The following MACROD2 variants were observed in gnomAD, a reference collection of about 807,000 sequenced individuals.
MACROD2 encodes ADP-ribose glycohydrolase MACROD2.
A neutral mutation model predicts 70.4 loss-of-function variants in MACROD2; 36 were observed. That is an observed-to-expected ratio of 0.51 (90% CI 0.39 to 0.68). MACROD2 has a LOEUF of 0.68. Among genes scored for constraint, MACROD2 ranks in the 30% least tolerant of loss-of-function variants. MACROD2 has a pLI of 0.00. For synonymous variants in MACROD2, 172 were observed against 178.8 expected (o/e 0.96, Z 0.30); for missense variants, 496 against 538.4 (o/e 0.92, Z 0.78).
intron 5 of MACROD2, among the ~76,000 whole-genome samples, chr20:14,838,869 C>A (rs975040432): frequency 1.1e-4 from 17 of 152,074 alleles, no homozygotes; most frequent in African/African-American, 3.9e-4. Context: ...CCTTCACTCC[C>A]CAGAACTTCA....
chr20:14,438,290 T>C (rs192543021), intron 3 of MACROD2, among the ~76,000 whole-genome samples: 1 of 152,350 alleles, frequency 6.6e-6, no homozygotes, highest in East Asian at 1.9e-4. Context: ...TGTGTATGTA[T>C]ACCACAGTTT....
rs138059746 is a variant in MACROD2, at chr20:14,344,289, C to T, written c.272-149190C>T. Among the ~76,000 whole-genome samples the T allele has an allele frequency of 4.3e-3, 657 of 152,178 alleles. 6 individuals are homozygous for T. Among genetic ancestry groups the T allele is most frequent in the African/African-American group, 0.014 (588 of 41,520 alleles). On this transcript the variant is annotated intron_variant, in intron 3 of 17. Transcript: ENST00000684519. ...ATGAACTGATTATTTGCCAGATTTT[C>T]GGGGATCAAGTATCAGTTGATTAGA...
intron 8 of MACROD2, among the ~76,000 whole-genome samples, chr20:15,772,959 A>G (rs1043304744): frequency 1.3e-5 from 2 of 152,108 alleles, no homozygotes; most frequent in Non-Finnish European, 2.9e-5. Flanking sequence ...CCTCCCTCTT[A>G]ACACGTGGTA....
intron 3 of MACROD2, among the ~76,000 whole-genome samples, chr20:14,337,931 A>G (rs1038172588): frequency 2.0e-5 from 3 of 152,230 alleles, no homozygotes; most frequent in Non-Finnish European, 2.9e-5. Context: ...TAAGATCACA[A>G]TAGAAAAAGA....
chr20:14,366,391 C>T (rs550258562), intron 3 of MACROD2, among the ~76,000 whole-genome samples: 3 of 131,400 alleles, frequency 2.3e-5, no homozygotes, highest in Admixed American at 8.3e-5. Context: ...TTTTTTGAGA[C>T]TGAGTCTCAC....
chr20:15,723,726 G>C (rs926947824), intron 8 of MACROD2, among the ~76,000 whole-genome samples: 4 of 152,136 alleles, frequency 2.6e-5, no homozygotes, highest in African/African-American at 9.7e-5. Context: ...AGTTTTGGCA[G>C]TTATGAATAA....
intron 5 of MACROD2, among the ~76,000 whole-genome samples, chr20:14,731,926 G>A (rs1169357113): frequency 6.6e-6 from 1 of 151,834 alleles, no homozygotes; most frequent in Non-Finnish European, 1.5e-5. Context: ...TTGAAAACAT[G>A]GTTATTTTTA....
At chr20:14,040,559 C>T (rs2053377462) in intron 2 of MACROD2, among the ~76,000 whole-genome samples, 1 of 152,168 alleles carries the variant, frequency 6.6e-6, no homozygotes, top group Non-Finnish European at 1.5e-5. Flanking sequence ...CCCTCACCCC[C>T]ATCCCACCCA....
At chr20:15,516,890 C>T (rs945996329) in intron 8 of MACROD2, among the ~76,000 whole-genome samples, 29 of 152,254 alleles carry the variant, frequency 1.9e-4, no homozygotes, top group African/African-American at 7.0e-4. Context: ...TTTCCTATCA[C>T]ATAACAGTTG....
At chr20:14,999,376 A>T (rs948854842) in intron 5 of MACROD2, among the ~76,000 whole-genome samples, 1 of 152,258 alleles carries the variant, frequency 6.6e-6, no homozygotes, top group Non-Finnish European at 1.5e-5. Flanking sequence ...GTGAACATAT[A>T]GGCCAGGTGC....
At chr20:14,800,376 T>G (rs1223087181) in intron 5 of MACROD2, among the ~76,000 whole-genome samples, 2 of 152,132 alleles carry the variant, frequency 1.3e-5, no homozygotes, top group East Asian at 3.8e-4. Flanking sequence ...GAAATTCTTA[T>G]TCATTAAAAC....
chr20:14,862,644 T>TATACATAA (rs1568841498), intron 5 of MACROD2, among the ~76,000 whole-genome samples: 1 of 9,970 alleles, frequency 1.0e-4, no homozygotes, highest in African/African-American at 3.3e-4. Context: ...TATATATAAA[T>TATACATAA]ATATATATAT....
At chr20:14,563,412 T>A (rs74802243) in intron 4 of MACROD2, among the ~76,000 whole-genome samples, 1,545 of 152,082 alleles carry the variant, frequency 0.01, 26 homozygotes, top group African/African-American at 0.036. Context: ...TTAGCAGTTA[T>A]AAGCACCACT....
intron 8 of MACROD2, among the ~76,000 whole-genome samples, chr20:15,510,615 G>C (rs1238668989): frequency 2.6e-5 from 4 of 152,144 alleles, no homozygotes; most frequent in African/African-American, 9.7e-5. Context: ...CAAAGAGGTG[G>C]CTCCTCTGGA....
intron 5 of MACROD2, among the ~76,000 whole-genome samples, chr20:14,847,361 G>A (rs1357288191): frequency 6.6e-6 from 1 of 152,006 alleles, no homozygotes; most frequent in Non-Finnish European, 1.5e-5. Context: ...TTACAGGAAA[G>A]AAAGTGTATG....
intron 3 of MACROD2, among the ~76,000 whole-genome samples, chr20:14,173,175 G>A (rs1157878768): frequency 1.3e-5 from 2 of 152,124 alleles, no homozygotes; most frequent in African/African-American, 4.8e-5. Flanking sequence ...GTATTTGGAT[G>A]TCCAGATCTC....
intron 8 of MACROD2, among the ~76,000 whole-genome samples, chr20:15,597,691 C>T (rs894771737): frequency 3.9e-5 from 6 of 152,142 alleles, no homozygotes; most frequent in Admixed American, 1.3e-4. Flanking sequence ...TCAGCTTGGC[C>T]CAAGGAAACA....
intron 2 of MACROD2, among the ~76,000 whole-genome samples, chr20:14,057,099 A>T (rs1601168360): frequency 1.3e-5 from 2 of 152,288 alleles, no homozygotes; most frequent in Admixed American, 1.3e-4. Context: ...CCCACCATGC[A>T]CATTTGATTG....
chr20:13,999,134 AT>A (rs1413635303), intron 1 of MACROD2, among the ~76,000 whole-genome samples: 1 of 151,946 alleles, frequency 6.6e-6, no homozygotes, highest in Non-Finnish European at 1.5e-5. Flanking sequence ...TGTGCTCTTT[AT>A]CCCATATCTT....
Sources: gnomAD v4.1 joint callset for allele counts (sites outside exome capture counted in the v4.1 genomes callset) on GRCh38, gnomAD v4.1.1 for gene constraint, MANE v1.5 for transcripts, NCBI Gene and HGNC (gene_info 2026-07-23, HGNC 2026-07-21) for gene names.